Variants in MACROD2 observed in about 807,000 individuals in gnomAD.
The protein encoded by MACROD2 is ADP-ribose glycohydrolase MACROD2.
In MACROD2, 36 loss-of-function variants were observed where a neutral mutation model predicts 70.4. That is an observed-to-expected ratio of 0.51 (90% confidence interval 0.39 to 0.68). The LOEUF is 0.68. Ranked by LOEUF, MACROD2 falls within the 30% of genes least tolerant of loss-of-function variation. The pLI is 0.00. For missense variants in MACROD2, 496 were observed against 538.4 expected (o/e 0.92, Z 0.78); for synonymous variants, 172 against 178.8 (o/e 0.96, Z 0.30).
chr20:15,040,049 A>T (rs1044266325), intron 5 of MACROD2, among the ~76,000 whole-genome samples: 2 of 152,146 alleles, frequency 1.3e-5, no homozygotes, highest in African/African-American at 4.8e-5. Context: ...CATTGTTCAT[A>T]TATGAGGGGA....
At chr20:14,557,751 T>C (rs985919379) in intron 4 of MACROD2, among the ~76,000 whole-genome samples, 7 of 151,790 alleles carry the variant, frequency 4.6e-5, no homozygotes, top group African/African-American at 1.7e-4. Flanking sequence ...TAAGGAGAAA[T>C]TAGAACACTT....
chr20:14,399,221 A>G (rs2083612579), intron 3 of MACROD2, among the ~76,000 whole-genome samples: 2 of 152,206 alleles, frequency 1.3e-5, no homozygotes, highest in Non-Finnish European at 2.9e-5. Flanking sequence ...GGGTTTCATC[A>G]TGTTCGTTAG....
intron 3 of MACROD2, among the ~76,000 whole-genome samples, chr20:14,088,004 T>C (rs747605898): frequency 1.9e-4 from 29 of 152,104 alleles, no homozygotes; most frequent in Non-Finnish European, 3.8e-4. Context: ...CACACATATG[T>C]ATATGTATAC....
At chr20:14,968,594 T>C (rs2074660426) in intron 5 of MACROD2, among the ~76,000 whole-genome samples, 1 of 152,206 alleles carries the variant, frequency 6.6e-6, no homozygotes, top group African/African-American at 2.4e-5. Context: ...TTATGCAAAC[T>C]TCAGCATGCA....
At chr20:14,228,364 GTC>G (rs1469390427) in intron 3 of MACROD2, among the ~76,000 whole-genome samples, 1 of 146,682 alleles carries the variant, frequency 6.8e-6, no homozygotes, top group African/African-American at 2.5e-5. Context: ...TTGAGATGGA[GTC>G]TCTCTCTGTC....
rs552688777 is a variant in MACROD2 at position 15,357,437 on chromosome 20, TA to T, written c.541-73964del. Among the ~76,000 whole-genome samples, 1,284 of 152,266 alleles carry T rather than the reference TA, an allele frequency of 8.4e-3. 8 individuals carry two copies. Among genetic ancestry groups the T allele is most frequent in the Non-Finnish European group, 0.014 (925 of 68,002 alleles). ...CCTTTTGCTTTTTGAAATTTTGACC[TA>T]AAACAACCAGTGTTCCTATTGTGGC... On this transcript the variant is annotated intron_variant, in intron 6 of 17. Coordinates refer to ENST00000684519, the MANE Select transcript of MACROD2 (RefSeq NM_001351661.2).
At chr20:14,483,741 G>A (rs1388723720) in intron 3 of MACROD2, among the ~76,000 whole-genome samples, 2 of 152,078 alleles carry the variant, frequency 1.3e-5, no homozygotes, top group Admixed American at 6.6e-5. Flanking sequence ...AGCTTCTAAA[G>A]TATACTTTAA....
At chr20:15,399,958 G>A (rs2045908302) in intron 6 of MACROD2, among the ~76,000 whole-genome samples, 1 of 152,140 alleles carries the variant, frequency 6.6e-6, no homozygotes, top group Non-Finnish European at 1.5e-5. Flanking sequence ...TTGCTGTGGT[G>A]GACCAGCAGC....
chr20:14,191,232 C>T (rs1379459264), intron 3 of MACROD2, among the ~76,000 whole-genome samples: 1 of 152,128 alleles, frequency 6.6e-6, no homozygotes, highest in African/African-American at 2.4e-5. Flanking sequence ...AGAAGCTCTA[C>T]TCATCTTATA....
intron 5 of MACROD2, among the ~76,000 whole-genome samples, chr20:14,826,224 A>T (rs1407300994): frequency 9.0e-6 from 1 of 111,498 alleles, no homozygotes; most frequent in African/African-American, 3.2e-5. Context: ...AACACTAGTT[A>T]AAAAAAAAAA....
intron 8 of MACROD2, chr20:15,619,921 T>TGC (rs1218124860): frequency 6.5e-6 from 1 of 152,982 alleles, no homozygotes; most frequent in Non-Finnish European, 1.5e-5. Flanking sequence ...CATCCTGCGA[T>TGC]GCTGCTTTGG....
At chr20:15,036,943 AATAG>A (rs1341907223) in intron 5 of MACROD2, among the ~76,000 whole-genome samples, 4 of 151,644 alleles carry the variant, frequency 2.6e-5, no homozygotes, top group Non-Finnish European at 5.9e-5. Flanking sequence ...CAATATTTAT[AATAG>A]ATAATTATAA....
At chr20:14,258,886 A>G (rs932639626) in intron 3 of MACROD2, among the ~76,000 whole-genome samples, 1 of 152,090 alleles carries the variant, frequency 6.6e-6, no homozygotes, top group Non-Finnish European at 1.5e-5. Context: ...TGATTTTTGT[A>G]TAAGGTAAGA....
rs141436701 is a variant in MACROD2, at chr20:15,060,723, T to G, written c.419-169217T>G. The stretch of plus-strand genomic sequence containing the variant: ...TTTCTCTGGACATCAAAGTTCTCAT[T>G]TAGAACAAAGCTGCCATCAAAGTGT... On this transcript the variant is annotated intron_variant, in intron 5 of 17. Transcript: ENST00000684519. Among the ~76,000 whole-genome samples, 431 of 152,302 alleles carry G rather than the reference T, an allele frequency of 2.8e-3. 1 individual carries two copies. The highest frequency in any genetic ancestry group is 9.6e-3 in the African/African-American group (398 of 41,566).
chr20:15,754,009 C>A (rs2051310229), intron 8 of MACROD2, among the ~76,000 whole-genome samples: 1 of 152,112 alleles, frequency 6.6e-6, no homozygotes, highest in South Asian at 2.1e-4. Context: ...CTCCGAAAAT[C>A]TGATAGATCA....
Position 14,759,967 on chromosome 20 carries a change from G to C in MACROD2, c.418+75008G>C, listed in dbSNP as rs1164462714. Among the ~76,000 whole-genome samples the C allele has an allele frequency of 2.6e-5, 4 of 152,122 alleles. 1 individual carries two copies. Among genetic ancestry groups the C allele is most frequent in the African/African-American group, 9.7e-5 (4 of 41,392 alleles). On this transcript the variant is annotated intron_variant, in intron 5 of 17. Coordinates refer to ENST00000684519, the MANE Select transcript of MACROD2 (RefSeq NM_001351661.2). ...AGGAGCAGCAAAAGACAGAGTAAGTGAATTGGTATTCCTGAGATAAACAGA... is the reference window on the plus strand; with the variant it reads ...AGGAGCAGCAAAAGACAGAGTAAGTCAATTGGTATTCCTGAGATAAACAGA...
intron 4 of MACROD2, among the ~76,000 whole-genome samples, chr20:14,607,878 G>A (rs1982906351): frequency 6.6e-6 from 1 of 152,112 alleles, no homozygotes; most frequent in Admixed American, 6.6e-5. Context: ...AAGGACTGGA[G>A]AAGAAAACAA....
At chr20:14,220,655 A>G (rs1398386724) in intron 3 of MACROD2, among the ~76,000 whole-genome samples, 1 of 152,180 alleles carries the variant, frequency 6.6e-6, no homozygotes, top group East Asian at 1.9e-4. Flanking sequence ...GGTGCCAGGC[A>G]GGAATGGCCT....
rs115283746 is a variant in MACROD2, at chr20:15,801,700, A to G, written c.646-61045A>G. The stretch of plus-strand genomic sequence containing the variant: ...GCTATTCAGGGTCTTTTGTGGTCCT[A>G]TATAAATTTAAGGCTTTTGGTCTAT... On this transcript the variant is annotated intron_variant, in intron 8 of 17. Coordinates refer to ENST00000684519, the MANE Select transcript of MACROD2 (RefSeq NM_001351661.2). Among the ~76,000 whole-genome samples, 397 of 152,192 alleles carry G rather than the reference A, an allele frequency of 2.6e-3. 7 individuals are homozygous for G. The highest frequency in any genetic ancestry group is 9.2e-3 in the African/African-American group (383 of 41,500).
Sources: allele counts gnomAD v4.1 joint callset (sites outside exome capture counted in the v4.1 genomes callset), GRCh38; gene constraint gnomAD v4.1.1; transcripts MANE v1.5; gene names NCBI Gene and HGNC (gene_info 2026-07-23, HGNC 2026-07-21).